The following TAF3 variants were observed in gnomAD, a reference collection of about 807,000 sequenced individuals.
TAF3 encodes the protein transcription initiation factor TFIID subunit 3.
In TAF3, 7 loss-of-function variants were observed where a neutral mutation model predicts 80.6. The ratio of observed to expected loss-of-function variants is 0.09; its 90% CI spans 0.05 to 0.16. The LOEUF is 0.16. TAF3 is among the 10% of genes least tolerant of loss of function. TAF3 has a pLI of 1.00. For missense variants in TAF3, 921 were observed against 1,140.2 expected (o/e 0.81, Z 2.77); for synonymous variants, 444 against 446.1 (o/e 1.00, Z 0.06).
chr10:7,818,644 C>T lies in TAF3; in HGVS notation c.-66C>T, dbSNP rs909003346. 3.2e-6 allele frequency: 5 copies of T among 1,551,482 alleles called. No homozygotes were observed. In the African/African-American group the frequency reaches 4.2e-5, roughly 13 times the overall value. On this transcript the variant is annotated 5_prime_UTR_variant, in exon 1 of 7. Transcript: ENST00000344293. Reference sequence around the variant, plus strand: ...CCTAGAGGATGAATCGGGGACCCTGCTAAGGTCTGGCGGCGGGGCTGGAGA... The same window carrying T: ...CCTAGAGGATGAATCGGGGACCCTGTTAAGGTCTGGCGGCGGGGCTGGAGA...
chr10:7,996,842 A>T (rs368560678), intron 4 of TAF3, among the ~76,000 whole-genome samples: 28 of 131,902 alleles, frequency 2.1e-4, no homozygotes, highest in Middle Eastern at 3.8e-3. Flanking sequence ...ACCACACTCT[A>T]TTTTTTTTTT....
intron 2 of TAF3, among the ~76,000 whole-genome samples, chr10:7,862,642 A>G (rs958482541): frequency 6.6e-6 from 1 of 152,238 alleles, no homozygotes; most frequent in Non-Finnish European, 1.5e-5. Flanking sequence ...CACCCTGAAA[A>G]GTTACCTTAA....
chr10:7,999,929 G>A (rs999500572), intron 4 of TAF3, among the ~76,000 whole-genome samples: 1 of 152,182 alleles, frequency 6.6e-6, no homozygotes, highest in African/African-American at 2.4e-5. Context: ...AATCATAGTA[G>A]GACTAGACTA....
Position 8,009,973 on chromosome 10 carries a change from A to G in TAF3, c.2568+643A>G, listed in dbSNP as rs773000679. Among the ~76,000 whole-genome samples the G allele has an allele frequency of 1.7e-4, 25 of 150,614 alleles. No homozygotes were observed. The highest frequency in any genetic ancestry group is 3.1e-4 in the Non-Finnish European group (21 of 67,650). Reference sequence around the variant, plus strand: ...GTCACCGAGGCTGGAGTGCAGTGGTACGATCTCGGCTCACTGCAGCCCCTG... The same window carrying G: ...GTCACCGAGGCTGGAGTGCAGTGGTGCGATCTCGGCTCACTGCAGCCCCTG... On this transcript the variant is annotated intron_variant, in intron 5 of 6. Transcript: ENST00000344293. The surrounding 1 kb of genome is among the most constrained non-coding windows in gnomAD (Gnocchi z 4.1).
chr10:7,853,506 G>A (rs1218654220), intron 2 of TAF3, among the ~76,000 whole-genome samples: 2 of 152,204 alleles, frequency 1.3e-5, no homozygotes, highest in Non-Finnish European at 2.9e-5. Flanking sequence ...CTGTTCCATT[G>A]TAAGTAGTAC....
chr10:7,818,843 T>C lies in TAF3; in HGVS notation c.134T>C (p.Leu45Pro). 6.5e-7 allele frequency: 1 copy of C among 1,539,086 alleles called. No homozygotes were observed. Among genetic ancestry groups the C allele is most frequent in the Non-Finnish European group, 8.7e-7 (1 of 1,154,526 alleles). The stretch of plus-strand genomic sequence containing the variant: ...GTGCTGCAGCGCTATCTGCAGCAGC[T>C]GGGCCGGGGCTGCCATCGGTACTCT... Reference protein sequence around the residue: ...TDVLQRYLQQLGRGCHRYSEL... With the variant: ...TDVLQRYLQQPGRGCHRYSEL... Residue 45 changes from leucine to proline, a missense_variant, in exon 1 of 7, where the codon CTG (leucine) becomes CCG (proline). Physicochemically the swap from Leu to Pro is moderately conservative, Grantham distance 98. Around this residue, in one of 6 missense-constraint regions of TAF3, gnomAD observed 106 missense variants for 191.8 expected, o/e 0.55. Transcript: ENST00000344293.
chr10:7,890,316 C>A (rs992104082), intron 2 of TAF3, among the ~76,000 whole-genome samples: 1 of 152,152 alleles, frequency 6.6e-6, no homozygotes, highest in African/African-American at 2.4e-5. Flanking sequence ...AGGTACCAAG[C>A]CTAATTGGAT....
intron 4 of TAF3, among the ~76,000 whole-genome samples, chr10:8,007,565 TATATA>T (rs1832007449): frequency 0.014 from 36 of 2,608 alleles, no homozygotes; most frequent in African/African-American, 0.024. Context: ...TGTGAAATTA[TATATA>T]TATATATATA....
chr10:7,994,809 C>CAAAAAAAAAAAAAAAAA (rs34669002), intron 4 of TAF3, among the ~76,000 whole-genome samples: 1 of 124,354 alleles, frequency 8.0e-6, no homozygotes, highest in African/African-American at 3.1e-5. Context: ...CTAAAAATAC[C>CAAAAAAAAAAAAAAAAA]AAAAAAAAAA....
intron 2 of TAF3, among the ~76,000 whole-genome samples, chr10:7,855,966 C>A (rs1014308833): frequency 6.6e-6 from 1 of 151,158 alleles, no homozygotes; most frequent in Non-Finnish European, 1.5e-5. Context: ...CGTAATAGTT[C>A]TCTACTAGTA....
chr10:7,984,902 A>G (rs1323511404), intron 4 of TAF3, among the ~76,000 whole-genome samples: 1 of 152,222 alleles, frequency 6.6e-6, no homozygotes, highest in Non-Finnish European at 1.5e-5. Context: ...TGGCATTTAA[A>G]AAAAGAATAT....
intron 2 of TAF3, among the ~76,000 whole-genome samples, chr10:7,880,008 G>C (rs1040649779): frequency 6.6e-6 from 1 of 152,134 alleles, no homozygotes; most frequent in African/African-American, 2.4e-5. Flanking sequence ...CCAGAAGTTT[G>C]AGACCAGCTT....
At chr10:7,961,304 G>A (rs1451088455) in intron 2 of TAF3, among the ~76,000 whole-genome samples, 4 of 152,180 alleles carry the variant, frequency 2.6e-5, no homozygotes, top group African/African-American at 9.7e-5. Context: ...TCGCGAATCG[G>A]TAGCATAATT....
At chr10:7,873,455 C>T (rs996256964) in intron 2 of TAF3, among the ~76,000 whole-genome samples, 1 of 152,170 alleles carries the variant, frequency 6.6e-6, no homozygotes, top group Non-Finnish European at 1.5e-5. Context: ...GGTTGAGGAA[C>T]CTGTCATGTA....
At chr10:7,840,394 C>T (rs965545449) in intron 2 of TAF3, among the ~76,000 whole-genome samples, 2 of 151,780 alleles carry the variant, frequency 1.3e-5, no homozygotes, top group Non-Finnish European at 2.9e-5. Flanking sequence ...CCTTGTGATC[C>T]GCCCGCCTCG....
chr10:7,978,423 G>A lies in TAF3; in HGVS notation c.2315+1100G>A, dbSNP rs548134027. Reference sequence around the variant, plus strand: ...GCAGAGAGGCAACTTGGTTTTCCAGGGGAGTGTATACCCCTCTGAAGATTT... The same window carrying A: ...GCAGAGAGGCAACTTGGTTTTCCAGAGGAGTGTATACCCCTCTGAAGATTT... On this transcript the variant is annotated intron_variant, in intron 4 of 6. Transcript: ENST00000344293. 4.6e-5 allele frequency among the ~76,000 whole-genome samples: 7 copies of A among 152,260 alleles called. 1 individual carries two copies. The highest frequency in any genetic ancestry group is 4.6e-4 in the Admixed American group (7 of 15,294).
At chr10:7,833,470 T>C (rs1372034739) in intron 2 of TAF3, 1 of 152,256 alleles carries the variant, frequency 6.6e-6, no homozygotes, top group Non-Finnish European at 1.5e-5. Flanking sequence ...TTTTTTCATG[T>C]ATTTGTTGGC....
At chr10:7,882,153 A>T (rs972114503) in intron 2 of TAF3, among the ~76,000 whole-genome samples, 3 of 152,210 alleles carry the variant, frequency 2.0e-5, no homozygotes, top group African/African-American at 7.2e-5. Flanking sequence ...AAATTTCAAG[A>T]TGTTTTCTTA....
chr10:7,990,177 T>C (rs1831820588), intron 4 of TAF3, among the ~76,000 whole-genome samples: 1 of 152,228 alleles, frequency 6.6e-6, no homozygotes. Context: ...CTGCTTGATC[T>C]GTATATGAAT....
Sources: gnomAD v4.1 joint callset for allele counts (sites outside exome capture counted in the v4.1 genomes callset) on GRCh38, gnomAD v4.1.1 for gene constraint, gnomAD v4.1.1 regional missense constraint, Gnocchi (gnomAD v3.1) non-coding constraint, MANE v1.5 for transcripts, NCBI Gene and HGNC (gene_info 2026-07-23, HGNC 2026-07-21) for gene names.